The following HNRNPU variants were observed in gnomAD, a reference collection of about 807,000 sequenced individuals.
The protein encoded by HNRNPU is heterogeneous nuclear ribonucleoprotein U, also known as HNRNPU antisense RNA 1.
Under a neutral mutation model 94.7 loss-of-function variants are expected in HNRNPU, and 5 were observed. The ratio of observed to expected loss-of-function variants is 0.05; its 90% CI spans 0.03 to 0.11. The LOEUF (loss-of-function observed/expected upper bound fraction) is 0.11, where lower values mean the gene tolerates loss of function less well. Ranked by LOEUF, HNRNPU falls within the 10% of genes least tolerant of loss-of-function variation. HNRNPU has a pLI of 1.00. For synonymous variants in HNRNPU, 434 were observed against 381.6 expected, an observed-to-expected ratio of 1.14 and a Z score of -1.60; for missense variants, 710 against 1,049.2, an observed-to-expected ratio of 0.68 and a Z score of 4.47.
chr1:244,861,630 C>T (rs1331027412), intron 3 of HNRNPU: 1 of 151,906 alleles, frequency 6.6e-6, no homozygotes, highest in Non-Finnish European at 1.5e-5. Flanking sequence ...TCTAACACAG[C>T]AGGCTGACAC....
chr1:244,858,005 C>T lies in HNRNPU; in HGVS notation c.1494+6G>A, dbSNP rs1680725694. 6.3e-7 allele frequency: 1 copy of T among 1,575,712 alleles called. No homozygotes were observed. Among genetic ancestry groups the T allele is most frequent in the South Asian group, 1.2e-5 (1 of 84,992 alleles). On this transcript the variant is annotated splice_donor_region_variant and intron_variant, in intron 7 of 13. Coordinates refer to ENST00000640218, the MANE Select transcript of HNRNPU (RefSeq NM_031844.3). ...TGCCACAGTTAAAAAAAAAAAAATC[C>T]CTTACTTCACAATCTTTCTTCTCTT... is the stretch of plus-strand genomic sequence containing the variant.
At chr1:244,863,416 ACACACG>A (rs1389869279) in intron 1 of HNRNPU, among the ~76,000 whole-genome samples, 195 bp downstream of exon 1, 1 of 143,170 alleles carries the variant, frequency 7.0e-6, no homozygotes, top group African/African-American at 2.6e-5. Context: ...ACACACACAC[ACACACG>A]CGCGCGCGCA....
At position 244,851,048 on chromosome 1, in the gene HNRNPU, A is replaced by G. The variant is rs952112650; in HGVS notation, c.*3402T>C. Reference sequence around the variant, plus strand: ...GGTCTCAAACTCCTGAGCTCAAGTGATCCTCCCGCCTTGGCCTCCCAAAGT... The same window carrying G: ...GGTCTCAAACTCCTGAGCTCAAGTGGTCCTCCCGCCTTGGCCTCCCAAAGT... On this transcript the variant is annotated 3_prime_UTR_variant, in exon 14 of 14. Transcript: ENST00000640218. The G allele has an allele frequency of 6.6e-6, 1 of 152,160 alleles. No homozygotes were observed. The highest frequency in any genetic ancestry group is 1.9e-4 in the East Asian group (1 of 5,170). 9.4% of individuals were successfully genotyped at this position (152,160 alleles called of 1,614,324 possible).
chr1:244,863,534 C>G, intron 1 of HNRNPU, 83 bp downstream of exon 1: 2 of 1,275,852 alleles, frequency 1.6e-6, no homozygotes, highest in Non-Finnish European at 2.0e-6. Flanking sequence ...CTCCCTCCCC[C>G]TGCGGGGCTC....
At position 244,860,451 on chromosome 1, in the gene HNRNPU, T is replaced by C; in HGVS notation, c.901A>G (p.Ile301Val). Reference sequence around the variant, plus strand: ...GAAGCACTGAGACGATCTCTTGATATTTTAAAATGTAGATCACAATTATCT... The same window carrying C: ...GAAGCACTGAGACGATCTCTTGATACTTTAAAATGTAGATCACAATTATCT... ...DTYNCDLHFK[I>V]SRDRLSASSL... The change falls in exon 4 of 14, where the codon ATA (isoleucine) becomes GTA (valine). Residue 301 changes from isoleucine (I) to valine (V), a missense_variant. Ile to Val is a conservative substitution (Grantham distance 29). This residue lies in a region of HNRNPU where 31 missense variants were observed against 86.8 expected (regional missense o/e 0.36). Coordinates refer to ENST00000640218, the MANE Select transcript of HNRNPU (RefSeq NM_031844.3). The C allele has an allele frequency of 2.5e-6, 4 of 1,599,152 alleles. No individual in the cohort carries two copies. Among genetic ancestry groups the C allele is most frequent in the Non-Finnish European group, 3.4e-6 (4 of 1,166,328 alleles).
chr1:244,862,965 A>C (rs1680879454), intron 1 of HNRNPU: 6 of 565,298 alleles, frequency 1.1e-5, no homozygotes, highest in South Asian at 1.0e-4. Context: ...AAGCCAAAGA[A>C]AAACTGCGCG....
chr1:244,859,868 A>G (rs975709516), intron 4 of HNRNPU: 1 of 156,864 alleles, frequency 6.4e-6, no homozygotes, highest in Non-Finnish European at 1.4e-5. Flanking sequence ...AGCTTCAAAA[A>G]TAAGTACCTT....
Position 244,855,563 on chromosome 1 carries a change from T to G in HNRNPU, c.2213A>C (p.Gln738Pro), listed in dbSNP as rs768065562. The change falls in exon 12 of 14, where the codon CAG (glutamine) becomes CCG (proline). Residue 738 changes from glutamine (Q) to proline (P), a missense_variant. By Grantham distance (76) the Gln-to-Pro change is moderately conservative (BLOSUM62 -1). This residue lies in a region of HNRNPU where 152 missense variants were observed against 238.9 expected (regional missense o/e 0.64). Coordinates refer to ENST00000640218, the MANE Select transcript of HNRNPU (RefSeq NM_031844.3). ...GGYNRRGNMP[Q>P]RGGGGGGSGG... ...ACTTCCTCCACCGCCACCACCTCTC[T>G]GTGGCATGTTGCCCCTCCTATTATA... 1 of 1,613,980 alleles carries G rather than the reference T, an allele frequency of 6.2e-7. No homozygotes were observed. The highest frequency in any genetic ancestry group is 8.5e-7 in the Non-Finnish European group (1 of 1,179,970).
chr1:244,857,726 A>G lies in HNRNPU; in HGVS notation c.1495-9T>C. The G allele has an allele frequency of 6.2e-7, 1 of 1,610,768 alleles. No homozygotes were observed. The highest frequency in any genetic ancestry group is 8.5e-7 in the Non-Finnish European group (1 of 1,179,060). On this transcript the variant is annotated splice_polypyrimidine_tract_variant and intron_variant, in intron 7 of 13. Transcript: ENST00000640218. The stretch of plus-strand genomic sequence containing the variant: ...CCAATCATCATCACAACCTAGTGAA[A>G]AGAAAAGAAATGTCATTTCACTGTC...
chr1:244,855,497 G>A lies in HNRNPU; in HGVS notation c.2279C>T (p.Pro760Leu). Reference protein sequence around the residue: ...GYPYPRAPVFPGRGSYSNRGN... With the variant: ...GYPYPRAPVFLGRGSYSNRGN... ...TCTGTTTGAGTAACTACCACGGCCA[G>A]GAAAAACAGGGGCACGAGGGTATGG... is the stretch of plus-strand genomic sequence containing the variant. Residue 760 changes from proline to leucine, a missense_variant, in exon 12 of 14, where the codon CCT (proline) becomes CTT (leucine). Physicochemically the swap from Pro to Leu is moderately conservative, Grantham distance 98. Coordinates refer to ENST00000640218, the MANE Select transcript of HNRNPU (RefSeq NM_031844.3). 1.9e-6 allele frequency: 3 copies of A among 1,614,034 alleles called. No homozygotes were observed. The highest frequency in any genetic ancestry group is 2.5e-6 in the Non-Finnish European group (3 of 1,179,956).
chr1:244,850,678 C>G lies in HNRNPU; in HGVS notation c.*3772G>C, dbSNP rs1680523820. Reference sequence around the variant, plus strand: ...CTCACCATTTATGCTGGGTATGAGTCCCAATGCATGGGTATTGCAACCTAT... The same window carrying G: ...CTCACCATTTATGCTGGGTATGAGTGCCAATGCATGGGTATTGCAACCTAT... On this transcript the variant is annotated 3_prime_UTR_variant, in exon 14 of 14. Coordinates refer to ENST00000640218, the MANE Select transcript of HNRNPU (RefSeq NM_031844.3). The G allele has an allele frequency of 6.6e-6, 1 of 152,074 alleles. No homozygotes were observed. Among genetic ancestry groups the G allele is most frequent in the African/African-American group, 2.4e-5 (1 of 41,406 alleles). The allele number at this position is 152,074 out of a possible 1,614,324, so 9.4% of individuals were successfully genotyped here.
intron 5 of HNRNPU, 68 bp from the exon 6 acceptor site, chr1:244,858,909 C>G: frequency 1.3e-6 from 1 of 749,140 alleles, no homozygotes; most frequent in East Asian, 2.5e-5. Context: ...TATTTTACTA[C>G]TTAAGATGTA....
intron 12 of HNRNPU, 88 bp downstream of exon 12, chr1:244,855,336 A>AACACCCCAAC (rs1275469383): frequency 5.4e-5 from 68 of 1,248,694 alleles, no homozygotes; most frequent in Admixed American, 7.5e-5. Flanking sequence ...TTCCTTACGG[A>AACACCCCAAC]TTACTAAGAC....
At position 244,852,263 on chromosome 1, in the gene HNRNPU, A is replaced by T. The variant is rs888086222; in HGVS notation, c.*2187T>A. The T allele has an allele frequency of 2.0e-5, 3 of 152,170 alleles. No individual in the cohort carries two copies. Among genetic ancestry groups the T allele is most frequent in the Non-Finnish European group, 4.4e-5 (3 of 68,020 alleles). The allele number at this position is 152,170 out of a possible 1,614,324, so 9.4% of individuals were successfully genotyped here. On this transcript the variant is annotated 3_prime_UTR_variant, in exon 14 of 14. Coordinates refer to ENST00000640218, the MANE Select transcript of HNRNPU (RefSeq NM_031844.3). The stretch of plus-strand genomic sequence containing the variant: ...GACAATTGTATTAATTCTAGTCTTG[A>T]CTAAAGATTTTAACATTTTTCTGGG...
At chr1:244,855,871 G>C (rs761732042) in intron 11 of HNRNPU, 33 bp downstream of exon 11, 1 of 1,606,466 alleles carries the variant, frequency 6.2e-7, no homozygotes, top group Non-Finnish European at 8.5e-7. Context: ...TTTCGATCCT[G>C]AACTAAATAC....
chr1:244,856,003 T>C lies in HNRNPU; in HGVS notation c.2068A>G (p.Ser690Gly), dbSNP rs1195025938. ...TTCTTGCCACTCTTATTTTTATTGC[T>C]TTTCTTTGAGCCAGTGTTCTGTTTC... ...EKKQNTGSKK[S>G]NKNKSGKNQF... Residue 690 changes from serine (S) to glycine (G), a missense_variant, in exon 11 of 14, where the codon AGC becomes GGC. Physicochemically the swap from Ser to Gly is moderately conservative, Grantham distance 56 (BLOSUM62 0). Transcript: ENST00000640218. The C allele has an allele frequency of 1.2e-6, 2 of 1,614,188 alleles. No individual in the cohort carries two copies. The highest frequency in any genetic ancestry group is 3.3e-4 in the Middle Eastern group (2 of 6,062).
intron 10 of HNRNPU, 77 bp downstream of exon 10, chr1:244,856,380 T>A (rs1647575207): frequency 7.0e-7 from 1 of 1,435,686 alleles, no homozygotes; most frequent in South Asian, 1.3e-5. Context: ...TTAACATAGT[T>A]ACACAAGCAG....
rs1392091518 is a variant in HNRNPU at position 244,851,662 on chromosome 1, GT to G, written c.*2787del. ...ATCTATCCTAGGCAAATGAGAGCTTGTTTTTATGTATTTAAGAGTTTCCTCT... is the reference window on the plus strand; with the variant it reads ...ATCTATCCTAGGCAAATGAGAGCTTGTTTTATGTATTTAAGAGTTTCCTCT... On this transcript the variant is annotated 3_prime_UTR_variant, in exon 14 of 14. Transcript: ENST00000640218. 6.6e-6 allele frequency: 1 copy of G among 152,126 alleles called. No individual in the cohort carries two copies. The highest frequency in any genetic ancestry group is 2.4e-5 in the African/African-American group (1 of 41,436). 9.4% of individuals were successfully genotyped at this position (152,126 alleles called of 1,614,324 possible). A position where few individuals can be genotyped will look rare whatever the true frequency, so the allele number is the denominator to read the frequency against.
intron 1 of HNRNPU, chr1:244,863,246 TGTGCCCGCACCGC>T (rs1347348483): frequency 6.1e-6 from 1 of 163,920 alleles, no homozygotes; most frequent in East Asian, 1.6e-4. Context: ...CCCCGAGACA[TGTGCCCGCACCGC>T]GCGCACGCAG....
Sources: gnomAD v4.1 joint callset for allele counts (sites outside exome capture counted in the v4.1 genomes callset) on GRCh38, gnomAD v4.1.1 for gene constraint, gnomAD v4.1.1 regional missense constraint, MANE v1.5 for transcripts, NCBI Gene and HGNC (gene_info 2026-07-23, HGNC 2026-07-21) for gene names.